DCDC1: variants seen among roughly 807,000 people sequenced by gnomAD.
DCDC1 encodes the protein doublecortin domain containing 1, also known as doublecortin domain-containing protein 1.
A neutral mutation model predicts 178.3 loss-of-function variants in DCDC1; 200 were observed. That is an observed-to-expected ratio of 1.12 (90% CI 1.00 to 1.26). DCDC1 has a LOEUF of 1.26. DCDC1 is among the 50% of genes most tolerant of loss of function. The pLI, the probability that DCDC1 is intolerant of heterozygous loss-of-function variation, is 0.00. For synonymous variants in DCDC1, 690 were observed against 604.8 expected, an observed-to-expected ratio of 1.14 and a Z score of -2.07; for missense variants, 1,983 against 1,749.2, an observed-to-expected ratio of 1.13 and a Z score of -2.38.
At chr11:31,053,889 A>G (rs1955422813) in intron 20 of DCDC1, among the ~76,000 whole-genome samples, 1 of 152,082 alleles carries the variant, frequency 6.6e-6, no homozygotes, top group Non-Finnish European at 1.5e-5. Context: ...AAAGTTGAAA[A>G]CATTCCATCT....
intron 20 of DCDC1, among the ~76,000 whole-genome samples, chr11:30,969,315 C>A (rs1247683304): frequency 6.6e-6 from 1 of 152,044 alleles, no homozygotes; most frequent in Non-Finnish European, 1.5e-5. Flanking sequence ...GGAATTTTGA[C>A]ACTACAAAAG....
chr11:31,165,910 A>C (rs1329110226), intron 9 of DCDC1, among the ~76,000 whole-genome samples: 1 of 152,180 alleles, frequency 6.6e-6, no homozygotes, highest in Non-Finnish European at 1.5e-5. Flanking sequence ...AATTCAGGGA[A>C]TTTCCACAGT....
intron 10 of DCDC1, among the ~76,000 whole-genome samples, chr11:31,129,370 C>T (rs1287793018): frequency 3.3e-5 from 5 of 151,998 alleles, no homozygotes; most frequent in Admixed American, 6.6e-5. Flanking sequence ...TTGTCTACTC[C>T]ATTTAAATAA....
At chr11:30,940,756 G>T (rs1222423962) in intron 21 of DCDC1, among the ~76,000 whole-genome samples, 1 of 152,084 alleles carries the variant, frequency 6.6e-6, no homozygotes, top group Non-Finnish European at 1.5e-5. Context: ...AAGAGCATTG[G>T]TTTCTGCTCT....
intron 9 of DCDC1, among the ~76,000 whole-genome samples, chr11:31,158,265 C>T (rs551739391): frequency 2.6e-5 from 4 of 151,864 alleles, no homozygotes; most frequent in South Asian, 2.1e-4. Context: ...CCCGCCATCA[C>T]GCCCGGCTAA....
At chr11:31,039,765 C>T (rs933355496) in intron 20 of DCDC1, among the ~76,000 whole-genome samples, 1 of 152,080 alleles carries the variant, frequency 6.6e-6, no homozygotes, top group Non-Finnish European at 1.5e-5. Context: ...GAAAATTACT[C>T]TTTTAAAAGA....
At chr11:31,282,944 T>C (rs770876557) in intron 7 of DCDC1, among the ~76,000 whole-genome samples, 11 of 152,204 alleles carry the variant, frequency 7.2e-5, no homozygotes, top group Non-Finnish European at 1.6e-4. Context: ...AAAGAGAAGT[T>C]AGCTTTTATT....
At chr11:31,238,647 TGGAAC>T (rs1393950735) in intron 9 of DCDC1, among the ~76,000 whole-genome samples, 1 of 152,122 alleles carries the variant, frequency 6.6e-6, no homozygotes, top group Non-Finnish European at 1.5e-5. Flanking sequence ...GCTAATGAGA[TGGAAC>T]GGCCCTGTCG....
At chr11:30,944,646 T>G (rs1358448041) in intron 21 of DCDC1, among the ~76,000 whole-genome samples, 1 of 152,238 alleles carries the variant, frequency 6.6e-6, no homozygotes, top group African/African-American at 2.4e-5. Flanking sequence ...ACACTGTATT[T>G]AATTTTAAAT....
At chr11:31,232,005 G>A (rs529387275) in intron 9 of DCDC1, among the ~76,000 whole-genome samples, 46 of 152,260 alleles carry the variant, frequency 3.0e-4, no homozygotes, top group African/African-American at 1.1e-3. Flanking sequence ...ATCCAACCAC[G>A]TTAGGATCTC....
At chr11:30,918,716 TG>T (rs1196748106) in intron 25 of DCDC1, among the ~76,000 whole-genome samples, 2 of 152,008 alleles carry the variant, frequency 1.3e-5, no homozygotes, top group Non-Finnish European at 2.9e-5. Flanking sequence ...AGAAAGACAG[TG>T]GTGTGACAGG....
intron 8 of DCDC1, among the ~76,000 whole-genome samples, chr11:31,256,720 T>C (rs1009090560): frequency 6.6e-6 from 1 of 152,200 alleles, no homozygotes; most frequent in African/African-American, 2.4e-5. Flanking sequence ...AATGGGCCTG[T>C]ATATAGAGAA....
intron 9 of DCDC1, among the ~76,000 whole-genome samples, chr11:31,158,775 A>C (rs2136148802): frequency 6.6e-6 from 1 of 152,324 alleles, no homozygotes; most frequent in African/African-American, 2.4e-5. Flanking sequence ...AAACTGTGGT[A>C]ACATTTCTTA....
intron 1 of DCDC1, among the ~76,000 whole-genome samples, chr11:31,352,168 A>T (rs1195715242): frequency 6.6e-6 from 1 of 152,138 alleles, no homozygotes; most frequent in Non-Finnish European, 1.5e-5. Flanking sequence ...GCAGAGTGAC[A>T]AACGTAAGGT....
chr11:31,122,907 T>C (rs909362053), intron 11 of DCDC1, among the ~76,000 whole-genome samples: 2 of 152,128 alleles, frequency 1.3e-5, no homozygotes, highest in African/African-American at 4.8e-5. Flanking sequence ...TTCTGTCACA[T>C]ACTTAAATCT....
In DCDC1 at chr11:31,287,457, C is replaced by T. The variant is rs116562135; in HGVS notation, c.960+3190G>A. On this transcript the variant is annotated intron_variant, in intron 7 of 38. Coordinates refer to ENST00000684477, the MANE Select transcript of DCDC1 (RefSeq NM_001387274.1). ...AAATATATACAGTTTAACAAAACATCTCAAAAGAAAAGGATGACACTTTTC... is the reference window on the plus strand; with the variant it reads ...AAATATATACAGTTTAACAAAACATTTCAAAAGAAAAGGATGACACTTTTC... 8.3e-3 allele frequency among the ~76,000 whole-genome samples: 1,257 copies of T among 151,892 alleles called. 21 individuals carry two copies. Among genetic ancestry groups the T allele is most frequent in the African/African-American group, 0.029 (1,202 of 41,468 alleles).
intron 36 of DCDC1, among the ~76,000 whole-genome samples, chr11:30,885,612 A>C (rs1259449940): frequency 6.6e-6 from 1 of 152,118 alleles, no homozygotes; most frequent in Non-Finnish European, 1.5e-5. Context: ...AAAATATATA[A>C]ATTGAAATAT....
intron 15 of DCDC1, among the ~76,000 whole-genome samples, chr11:31,095,478 T>C (rs1456566349): frequency 6.6e-6 from 1 of 152,206 alleles, no homozygotes; most frequent in Non-Finnish European, 1.5e-5. Flanking sequence ...TAATCAAACA[T>C]ATCTTGCTAA....
chr11:31,096,064 A>C lies in DCDC1; in HGVS notation c.1984-1880T>G, dbSNP rs139938583. ...ATTCAATGATGATTTAAAAGGAAAA[A>C]TTTTACAAGTGTGATCAGGTACTAT... On this transcript the variant is annotated intron_variant, in intron 15 of 38. Transcript: ENST00000684477. 3.0e-4 allele frequency among the ~76,000 whole-genome samples: 46 copies of C among 152,308 alleles called. No individual in the cohort carries two copies. In the East Asian group the frequency reaches 8.1e-3, roughly 27 times the overall value.
Sources: allele counts gnomAD v4.1 joint callset (sites outside exome capture counted in the v4.1 genomes callset), GRCh38; gene constraint gnomAD v4.1.1; transcripts MANE v1.5; gene names NCBI Gene and HGNC (gene_info 2026-07-23, HGNC 2026-07-21).